The following MACROD2 variants were observed in gnomAD, a reference collection of about 807,000 sequenced individuals.
MACROD2 encodes mono-ADP ribosylhydrolase 2, also known as ADP-ribose glycohydrolase MACROD2.
In MACROD2, 36 loss-of-function variants were observed where a neutral mutation model predicts 70.4. The observed-to-expected ratio is 0.51, with a 90% CI of 0.39 to 0.68. The LOEUF is 0.68. Ranked by LOEUF, MACROD2 falls within the 30% of genes least tolerant of loss-of-function variation. The pLI, the probability that MACROD2 is intolerant of heterozygous loss-of-function variation, is 0.00. For synonymous variants in MACROD2, 172 were observed against 178.8 expected, an observed-to-expected ratio of 0.96 and a Z score of 0.30; for missense variants, 496 against 538.4, an observed-to-expected ratio of 0.92 and a Z score of 0.78.
chr20:15,036,981 G>A (rs6034090), intron 5 of MACROD2, among the ~76,000 whole-genome samples: 17,338 of 151,496 alleles, frequency 0.11, 2,744 homozygotes, highest in African/African-American at 0.36. Flanking sequence ...TGTTCTTTTA[G>A]AACTATAAAA....
chr20:14,400,409 C>G (rs1252333105), intron 3 of MACROD2, among the ~76,000 whole-genome samples: 1 of 152,118 alleles, frequency 6.6e-6, no homozygotes, highest in East Asian at 1.9e-4. Flanking sequence ...TGTTTGAATG[C>G]CAGATATTAT....
At chr20:14,645,299 G>A (rs1985326696) in intron 4 of MACROD2, among the ~76,000 whole-genome samples, 1 of 151,960 alleles carries the variant, frequency 6.6e-6, no homozygotes, top group African/African-American at 2.4e-5. Context: ...TTTCATTGTA[G>A]TTGAATGAAT....
Position 15,455,024 on chromosome 20 carries a change from C to G in MACROD2, c.571+23589C>G, listed in dbSNP as rs202147473. 2.6e-5 allele frequency among the ~76,000 whole-genome samples: 4 copies of G among 152,250 alleles called. No homozygotes were observed. The East Asian group carries it at 7.7e-4, about 29-fold the overall frequency. On this transcript the variant is annotated intron_variant, in intron 7 of 17. Coordinates refer to ENST00000684519, the MANE Select transcript of MACROD2 (RefSeq NM_001351661.2). ...TACTCTCATTGATGAGGAAAGCTGG[C>G]TTATGGTCACACAGAGACCACAAGT...
At chr20:14,952,659 A>C (rs1394779679) in intron 5 of MACROD2, among the ~76,000 whole-genome samples, 1 of 151,934 alleles carries the variant, frequency 6.6e-6, no homozygotes, top group East Asian at 1.9e-4. Context: ...GTTGTACAGT[A>C]TTTGTGATAT....
intron 8 of MACROD2, among the ~76,000 whole-genome samples, chr20:15,853,025 T>C (rs182850093): frequency 6.6e-6 from 1 of 152,142 alleles, no homozygotes; most frequent in Admixed American, 6.5e-5. Flanking sequence ...ATAATAATAA[T>C]AATAGTAATA....
intron 4 of MACROD2, among the ~76,000 whole-genome samples, chr20:14,644,147 A>C (rs1449580381): frequency 6.6e-6 from 1 of 152,204 alleles, no homozygotes; most frequent in Non-Finnish European, 1.5e-5. Flanking sequence ...TGTGAGTCTA[A>C]GAAACAGCAG....
At chr20:14,463,915 G>T (rs1049139044) in intron 3 of MACROD2, among the ~76,000 whole-genome samples, 4 of 151,946 alleles carry the variant, frequency 2.6e-5, no homozygotes, top group African/African-American at 9.7e-5. Flanking sequence ...GCTTTTTGAT[G>T]TGTCACTGGG....
chr20:15,606,486 C>T (rs572795070), intron 8 of MACROD2, among the ~76,000 whole-genome samples: 72 of 152,240 alleles, frequency 4.7e-4, no homozygotes, highest in African/African-American at 1.6e-3. Context: ...CTTCTTTAAC[C>T]CTCCAAGGCC....
chr20:14,554,139 C>T (rs1388289350), intron 4 of MACROD2, among the ~76,000 whole-genome samples: 1 of 152,108 alleles, frequency 6.6e-6, no homozygotes, highest in Non-Finnish European at 1.5e-5. Context: ...CAGTTTTTCT[C>T]TTCATTCCTC....
At chr20:15,184,555 T>C (rs939185109) in intron 5 of MACROD2, among the ~76,000 whole-genome samples, 1 of 152,202 alleles carries the variant, frequency 6.6e-6, no homozygotes, top group African/African-American at 2.4e-5. Context: ...CATGTGGTTC[T>C]ACCCTCCCAA....
intron 5 of MACROD2, among the ~76,000 whole-genome samples, chr20:15,047,556 T>A (rs1321446152): frequency 6.6e-6 from 1 of 152,222 alleles, no homozygotes; most frequent in Non-Finnish European, 1.5e-5. Context: ...AAGATCTATG[T>A]AGTTTTAATA....
intron 3 of MACROD2, among the ~76,000 whole-genome samples, chr20:14,430,600 T>C (rs986556789): frequency 6.6e-6 from 1 of 152,172 alleles, no homozygotes; most frequent in African/African-American, 2.4e-5. Flanking sequence ...GATAAAACTT[T>C]TAGTTTACTT....
intron 8 of MACROD2, among the ~76,000 whole-genome samples, chr20:15,806,380 A>T (rs1463876245): frequency 6.6e-6 from 1 of 152,240 alleles, no homozygotes; most frequent in African/African-American, 2.4e-5. Flanking sequence ...CACTTTCACC[A>T]GTCCTCACTT....
chr20:14,169,293 C>T (rs2081197684), intron 3 of MACROD2, among the ~76,000 whole-genome samples: 1 of 151,636 alleles, frequency 6.6e-6, no homozygotes, highest in Non-Finnish European at 1.5e-5. Flanking sequence ...AAAAACTTAT[C>T]AATTATACTT....
At chr20:14,789,467 T>C (rs1378414866) in intron 5 of MACROD2, among the ~76,000 whole-genome samples, 3 of 109,944 alleles carry the variant, frequency 2.7e-5, no homozygotes, top group East Asian at 4.8e-4. Flanking sequence ...CAAATTTTTT[T>C]TTTTTTTTTT....
At chr20:14,854,035 T>C (rs2073227294) in intron 5 of MACROD2, among the ~76,000 whole-genome samples, 1 of 152,090 alleles carries the variant, frequency 6.6e-6, no homozygotes, top group South Asian at 2.1e-4. Context: ...TAGGTCAGCA[T>C]TAGGGGCTTA....
intron 6 of MACROD2, among the ~76,000 whole-genome samples, chr20:15,398,468 T>C (rs1201429721): frequency 6.6e-6 from 1 of 152,122 alleles, no homozygotes; most frequent in Admixed American, 6.5e-5. Context: ...GGTGTAAGAG[T>C]ACAGTTGTAG....
At chr20:15,510,428 C>A (rs1048767316) in intron 8 of MACROD2, among the ~76,000 whole-genome samples, 2 of 152,094 alleles carry the variant, frequency 1.3e-5, no homozygotes, top group African/African-American at 4.8e-5. Flanking sequence ...GGAAAATTAA[C>A]AGTTTTGATA....
At chr20:14,322,202 T>TATATATA (rs1568553958) in intron 3 of MACROD2, among the ~76,000 whole-genome samples, 13 of 53,742 alleles carry the variant, frequency 2.4e-4, no homozygotes, top group African/African-American at 4.6e-4. Flanking sequence ...ATATATATAT[T>TATATATA]TTGTATTTTG....
Sources: allele counts gnomAD v4.1 joint callset (sites outside exome capture counted in the v4.1 genomes callset), GRCh38; gene constraint gnomAD v4.1.1; transcripts MANE v1.5; gene names NCBI Gene and HGNC (gene_info 2026-07-23, HGNC 2026-07-21).